SLC39A12: variants seen among roughly 807,000 people sequenced by gnomAD.
SLC39A12 encodes the protein solute carrier family 39 member 12, also known as zinc transporter ZIP12.
In SLC39A12, 63 loss-of-function variants were observed where a neutral mutation model predicts 71.1. That is an observed-to-expected ratio of 0.89 (90% CI 0.72 to 1.09). The LOEUF (loss-of-function observed/expected upper bound fraction) is 1.09. SLC39A12 is among the 50% of genes least tolerant of loss of function. SLC39A12 has a pLI of 0.00. For synonymous variants in SLC39A12, 351 were observed against 301.3 expected (o/e 1.16, Z -1.71); for missense variants, 892 against 812.6 (o/e 1.10, Z -1.19).
chr10:18,017,456 A>T (rs1836416951), intron 12 of SLC39A12, among the ~76,000 whole-genome samples: 1 of 152,064 alleles, frequency 6.6e-6, no homozygotes, highest in African/African-American at 2.4e-5. Context: ...TTACAGGTGC[A>T]TGCCACCACG....
intron 2 of SLC39A12, among the ~76,000 whole-genome samples, 193 bp from the exon 3 acceptor site, chr10:17,961,388 A>G (rs1834684280): frequency 6.6e-6 from 1 of 152,280 alleles, no homozygotes; most frequent in Non-Finnish European, 1.5e-5. Context: ...TTCTTAGAGG[A>G]AAAAAGGGGT....
At chr10:17,959,959 C>T (rs998011790) in intron 2 of SLC39A12, among the ~76,000 whole-genome samples, 2 of 152,088 alleles carry the variant, frequency 1.3e-5, no homozygotes, top group African/African-American at 4.8e-5. Context: ...ATAGCACACA[C>T]ATTTGATGTT....
intron 4 of SLC39A12, among the ~76,000 whole-genome samples, chr10:17,974,160 T>C (rs1388574658): frequency 1.3e-5 from 2 of 152,188 alleles, no homozygotes; most frequent in Non-Finnish European, 2.9e-5. Context: ...CTGAATTCCT[T>C]CTCTGTGTTA....
chr10:17,990,709 A>T (rs534555926), intron 7 of SLC39A12, among the ~76,000 whole-genome samples: 2 of 152,284 alleles, frequency 1.3e-5, no homozygotes, highest in African/African-American at 4.8e-5. Flanking sequence ...ATAAAAGTTT[A>T]CTTTGATTGC....
intron 2 of SLC39A12, among the ~76,000 whole-genome samples, chr10:17,960,711 C>T (rs1055313805): frequency 8.5e-5 from 13 of 152,284 alleles, no homozygotes; most frequent in Middle Eastern, 3.4e-3. Context: ...ATTGTGCTGT[C>T]CAGCACAGTA....
rs1474314167 is a variant in SLC39A12, at chr10:18,003,496, T to A, written c.1947+138T>A. The A allele has an allele frequency of 6.6e-6, 5 of 754,758 alleles. No homozygotes were observed. The African/African-American group carries it at 8.9e-5, about 13-fold the overall frequency. 46.8% of individuals were successfully genotyped at this position (754,758 alleles called of 1,614,324 possible). On this transcript the variant is annotated intron_variant, in intron 12 of 12. Coordinates refer to ENST00000377369, the MANE Select transcript of SLC39A12 (RefSeq NM_001145195.2). ...CAATATAAACCATTAAGGAATATTC[T>A]TTGTACTCCAAGAAAGTGCATTCTG...
chr10:17,995,801 A>G, intron 10 of SLC39A12, 79 bp downstream of exon 10: 1 of 1,285,068 alleles, frequency 7.8e-7, no homozygotes, highest in Non-Finnish European at 1.1e-6. Context: ...AAATGTCAAA[A>G]CTATATAGAT....
intron 6 of SLC39A12, among the ~76,000 whole-genome samples, chr10:17,985,505 GT>G (rs1835376601): frequency 6.6e-6 from 1 of 151,494 alleles, no homozygotes; most frequent in Non-Finnish European, 1.5e-5. Context: ...CACCAGGATT[GT>G]TTGATTTAAC....
chr10:18,041,834 C>CT (rs1837261197), intron 12 of SLC39A12, among the ~76,000 whole-genome samples: 1 of 142,316 alleles, frequency 7.0e-6, no homozygotes, highest in African/African-American at 2.7e-5. Flanking sequence ...TATGTACATA[C>CT]ATATGTATAC....
At position 17,987,464 on chromosome 10, in the gene SLC39A12, T is replaced by A. The variant is rs1835427713; in HGVS notation, c.1097-15T>A. Reference sequence around the variant, plus strand: ...CACTGGGCACTGACTGTGTTTACGATCTCCTTTGACTTAGAATACGGCTAC... The same window carrying A: ...CACTGGGCACTGACTGTGTTTACGAACTCCTTTGACTTAGAATACGGCTAC... On this transcript the variant is annotated splice_polypyrimidine_tract_variant and intron_variant, in intron 6 of 12. Transcript: ENST00000377369. 1 of 1,612,376 alleles carries A rather than the reference T, an allele frequency of 6.2e-7. No homozygotes were observed. The highest frequency in any genetic ancestry group is 8.5e-7 in the Non-Finnish European group (1 of 1,179,432).
intron 4 of SLC39A12, among the ~76,000 whole-genome samples, chr10:17,971,271 C>CCTCCCCTCCCCTCCT: frequency 2.1e-5 from 2 of 94,776 alleles, no homozygotes; most frequent in Non-Finnish European, 4.5e-5. Flanking sequence ...CCTCCCCTCC[C>CCTCCCCTCCCCTCCT]CTCCCCTCCC....
intron 4 of SLC39A12, among the ~76,000 whole-genome samples, chr10:17,976,640 G>T (rs1835117159): frequency 6.6e-6 from 1 of 152,108 alleles, no homozygotes; most frequent in Non-Finnish European, 1.5e-5. Flanking sequence ...GGCCAGGCTG[G>T]TCTTGAACTC....
Position 17,965,524 on chromosome 10 carries a change from G to A in SLC39A12, c.585G>A (p.Val195=). 1 of 1,614,150 alleles carries A rather than the reference G, an allele frequency of 6.2e-7. No homozygotes were observed. Among genetic ancestry groups the A allele is most frequent in the Non-Finnish European group, 8.5e-7 (1 of 1,180,026 alleles). ...TKTLQKKSGI[V]SSEGANESTL... is the part of the protein sequence containing the mutation. ...CGCTGCAGAAAAAATCTGGAATAGT[G>A]AGCAGTGAAGGTGCTAATGAAAGTA... Residue 195 remains valine, a synonymous_variant, in exon 4 of 13, where the codon GTG becomes GTA. Transcript: ENST00000377369.
chr10:18,013,838 T>C (rs1836302357), intron 12 of SLC39A12, among the ~76,000 whole-genome samples: 1 of 152,240 alleles, frequency 6.6e-6, no homozygotes, highest in Non-Finnish European at 1.5e-5. Flanking sequence ...TGGCTGTCTG[T>C]AGCCAGTACC....
intron 6 of SLC39A12, among the ~76,000 whole-genome samples, chr10:17,984,813 T>C (rs1835359910): frequency 6.6e-6 from 1 of 152,224 alleles, no homozygotes; most frequent in Admixed American, 6.5e-5. Flanking sequence ...TAAAACTCTA[T>C]ACCCATAGAA....
intron 3 of SLC39A12, among the ~76,000 whole-genome samples, chr10:17,965,005 G>A (rs941290461): frequency 1.3e-5 from 2 of 152,070 alleles, no homozygotes. Flanking sequence ...TCAGGAGTTC[G>A]AGACCAGCCT....
chr10:17,984,169 T>C (rs2437264), intron 6 of SLC39A12, among the ~76,000 whole-genome samples: 40,620 of 152,190 alleles, frequency 0.27, 6,216 homozygotes, highest in East Asian at 0.53. Flanking sequence ...TTCATGGCAC[T>C]TATGCAGGGA....
intron 12 of SLC39A12, among the ~76,000 whole-genome samples, chr10:18,034,082 A>G (rs1836929204): frequency 3.3e-5 from 5 of 151,422 alleles, no homozygotes; most frequent in Non-Finnish European, 5.9e-5. Context: ...TATGTGGTCA[A>G]TTTTGGAATA....
At chr10:18,030,921 G>A (rs1189280179) in intron 12 of SLC39A12, among the ~76,000 whole-genome samples, 2 of 150,796 alleles carry the variant, frequency 1.3e-5, no homozygotes, top group Non-Finnish European at 2.9e-5. Flanking sequence ...TCTTGCGATA[G>A]TTTACTGAGA....
Sources: allele counts gnomAD v4.1 joint callset (sites outside exome capture counted in the v4.1 genomes callset), GRCh38; gene constraint gnomAD v4.1.1; transcripts MANE v1.5; gene names NCBI Gene and HGNC (gene_info 2026-07-23, HGNC 2026-07-21).